RNF121: variants seen among roughly 807,000 people sequenced by gnomAD.
RNF121 encodes E3 ubiquitin ligase RNF121.
A neutral mutation model predicts 46.5 loss-of-function variants in RNF121; 21 were observed. That is an observed-to-expected ratio of 0.45 (90% CI 0.32 to 0.65). The LOEUF (loss-of-function observed/expected upper bound fraction) is 0.65. Among genes scored for constraint, RNF121 ranks in the 30% least tolerant of loss-of-function variants. The pLI is 0.04. For synonymous variants in RNF121, 139 were observed against 144.7 expected (o/e 0.96, Z 0.28); for missense variants, 346 against 416.0 (o/e 0.83, Z 1.46).
At chr11:71,951,299 A>G (rs1238639689) in intron 1 of RNF121, among the ~76,000 whole-genome samples, 2 of 152,076 alleles carry the variant, frequency 1.3e-5, no homozygotes, top group Admixed American at 1.3e-4. Context: ...GAGGTACCCT[A>G]TTCATTGACA....
chr11:71,959,249 ACT>A (rs1456911604), intron 2 of RNF121, among the ~76,000 whole-genome samples: 1 of 152,090 alleles, frequency 6.6e-6, no homozygotes, highest in East Asian at 1.9e-4. Flanking sequence ...TTGGCTTCCC[ACT>A]CTGCCCACCA....
intron 1 of RNF121, among the ~76,000 whole-genome samples, chr11:71,954,094 C>T (rs1299049617): frequency 6.6e-6 from 1 of 152,132 alleles, no homozygotes; most frequent in Non-Finnish European, 1.5e-5. Context: ...ATCTTGAGAG[C>T]CTTACCTAAT....
At position 71,951,000 on chromosome 11, in the gene RNF121, G is replaced by A. The variant is rs570929608; in HGVS notation, c.64-6227G>A. 1.8e-4 allele frequency among the ~76,000 whole-genome samples: 28 copies of A among 152,110 alleles called. No homozygotes were observed. In the East Asian group the frequency reaches 5.3e-3, roughly 29 times the overall value. ...AGCACTTTGGGAGGCTGAGGTGGAC[G>A]GATCACCTGAGGTCGGCAGTTTGAG... On this transcript the variant is annotated intron_variant, in intron 1 of 8. Coordinates refer to ENST00000361756, the MANE Select transcript of RNF121 (RefSeq NM_018320.5).
intron 3 of RNF121, among the ~76,000 whole-genome samples, chr11:71,975,392 C>T (rs1954507758): frequency 6.6e-6 from 1 of 152,142 alleles, no homozygotes; most frequent in African/African-American, 2.4e-5. Context: ...TCAAGTATAC[C>T]ATGTCCCCTC....
intron 5 of RNF121, among the ~76,000 whole-genome samples, chr11:71,990,151 T>C (rs528832848): frequency 6.6e-6 from 1 of 152,318 alleles, no homozygotes; most frequent in African/African-American, 2.4e-5. Flanking sequence ...TGGCATGCCC[T>C]TTCCTCCTTA....
intron 4 of RNF121, 73 bp downstream of exon 4, chr11:71,982,988 G>A (rs1277554815): frequency 7.2e-7 from 1 of 1,379,560 alleles, no homozygotes; most frequent in Non-Finnish European, 9.5e-7. Flanking sequence ...GAGGAGCATA[G>A]GTTTAGACTG....
chr11:71,968,128 C>T (rs572260952), intron 3 of RNF121, among the ~76,000 whole-genome samples: 2 of 151,530 alleles, frequency 1.3e-5, no homozygotes, highest in African/African-American at 4.9e-5. Flanking sequence ...GTGGCATGCT[C>T]TCGGCTCACT....
chr11:71,978,190 C>T (rs1451873837), intron 3 of RNF121: 1 of 452,164 alleles, frequency 2.2e-6, no homozygotes, highest in Admixed American at 2.4e-5. Flanking sequence ...AGTGAGCCAC[C>T]ATGCCCGGCC....
At chr11:71,939,900 A>G (rs1030968375) in intron 1 of RNF121, among the ~76,000 whole-genome samples, 3 of 152,348 alleles carry the variant, frequency 2.0e-5, no homozygotes, top group Middle Eastern at 3.4e-3. Context: ...AGAGGAACCC[A>G]TCAAGTGATA....
intron 3 of RNF121, among the ~76,000 whole-genome samples, chr11:71,973,162 G>C (rs1000439609): frequency 6.6e-6 from 1 of 151,736 alleles, no homozygotes; most frequent in Non-Finnish European, 1.5e-5. Context: ...CTCCAGCCTA[G>C]GCAACAAGAG....
At chr11:71,966,678 T>C (rs1448121977) in intron 3 of RNF121, among the ~76,000 whole-genome samples, 1 of 151,664 alleles carries the variant, frequency 6.6e-6, no homozygotes, top group Non-Finnish European at 1.5e-5. Context: ...TTTGTAGAGT[T>C]GGCTCTCACT....
At chr11:71,937,183 T>G (rs139108240) in intron 1 of RNF121, among the ~76,000 whole-genome samples, 1 of 152,356 alleles carries the variant, frequency 6.6e-6, no homozygotes, top group East Asian at 1.9e-4. Flanking sequence ...TACCATGTCG[T>G]ATTGTCTTTT....
chr11:71,936,153 GC>G (rs1289851505), intron 1 of RNF121, among the ~76,000 whole-genome samples: 2 of 151,936 alleles, frequency 1.3e-5, no homozygotes, highest in African/African-American at 2.4e-5. Flanking sequence ...AAACTGCTGC[GC>G]CTGGCCTATA....
chr11:71,967,751 A>G (rs978174747), intron 3 of RNF121, among the ~76,000 whole-genome samples: 1 of 151,936 alleles, frequency 6.6e-6, no homozygotes, highest in Non-Finnish European at 1.5e-5. Context: ...CTATACCTAT[A>G]CCCGTTACAT....
chr11:71,947,407 T>C (rs1256487491), intron 1 of RNF121, among the ~76,000 whole-genome samples: 3 of 151,624 alleles, frequency 2.0e-5, no homozygotes, highest in Non-Finnish European at 2.9e-5. Flanking sequence ...GAGGATCCCT[T>C]GAGCCCAGAA....
Position 71,960,980 on chromosome 11 carries a change from A to G in RNF121, c.243+89A>G, listed in dbSNP as rs563830354. The stretch of plus-strand genomic sequence containing the variant: ...TAGGTCCCAGCCTAACCCAGGCCAC[A>G]TGGAGGTGGAGAAAGACAATAACAA... On this transcript the variant is annotated intron_variant, in intron 3 of 8. Coordinates refer to ENST00000361756, the MANE Select transcript of RNF121 (RefSeq NM_018320.5). 15 of 1,412,398 alleles carry G rather than the reference A, an allele frequency of 1.1e-5. No individual in the cohort carries two copies. In the East Asian group the frequency reaches 1.6e-4, roughly 15 times the overall value. 87.5% of individuals were successfully genotyped at this position (1,412,398 alleles called of 1,614,324 possible).
At position 71,960,881 on chromosome 11, in the gene RNF121, G is replaced by T; in HGVS notation, c.233G>T (p.Arg78Leu). 1 of 1,613,774 alleles carries T rather than the reference G, an allele frequency of 6.2e-7. No individual in the cohort carries two copies. ...LLVQWKQRHPRSYNMVTLFQM... is the reference protein window; with the variant it reads ...LLVQWKQRHPLSYNMVTLFQM... ...GTGCAGTGGAAGCAGAGGCACCCAC[G>T]CTCCTACAATGTAAGCCACTTTGCC... Residue 78 changes from arginine (R) to leucine (L), a missense_variant, in exon 3 of 9, where the codon CGC becomes CTC. By Grantham distance (102) the Arg-to-Leu change is moderately radical. Coordinates refer to ENST00000361756, the MANE Select transcript of RNF121 (RefSeq NM_018320.5).
chr11:71,957,542 C>A (rs2134172897), intron 2 of RNF121, among the ~76,000 whole-genome samples: 1 of 152,288 alleles, frequency 6.6e-6, no homozygotes, highest in Middle Eastern at 3.4e-3. Flanking sequence ...CTTCTCACAA[C>A]CTTACTTTGC....
At chr11:71,967,720 G>A (rs578094449) in intron 3 of RNF121, among the ~76,000 whole-genome samples, 3 of 151,900 alleles carry the variant, frequency 2.0e-5, no homozygotes, top group South Asian at 2.1e-4. Flanking sequence ...TGTGCCTGGC[G>A]GTAATAATTA....
Sources: gnomAD v4.1 joint callset for allele counts (sites outside exome capture counted in the v4.1 genomes callset) on GRCh38, gnomAD v4.1.1 for gene constraint, MANE v1.5 for transcripts, NCBI Gene and HGNC (gene_info 2026-07-23, HGNC 2026-07-21) for gene names.